The following UNC5D variants were observed in gnomAD, a reference collection of about 807,000 sequenced individuals.
UNC5D encodes netrin receptor UNC5D.
In UNC5D, 39 loss-of-function variants were observed where a neutral mutation model predicts 105.4. The ratio of observed to expected loss-of-function variants is 0.37; its 90% CI spans 0.29 to 0.48. The LOEUF (loss-of-function observed/expected upper bound fraction) is 0.48. Ranked by LOEUF, UNC5D falls within the 20% of genes least tolerant of loss-of-function variation. The pLI, the probability that UNC5D is intolerant of heterozygous loss-of-function variation, is 0.98. For missense variants in UNC5D, 991 were observed against 1,202.4 expected, an observed-to-expected ratio of 0.82 and a Z score of 2.60; for synonymous variants, 452 against 450.4, an observed-to-expected ratio of 1.00 and a Z score of -0.04.
At chr8:35,414,181 A>G (rs1051896366) in intron 1 of UNC5D, among the ~76,000 whole-genome samples, 2 of 152,168 alleles carry the variant, frequency 1.3e-5, no homozygotes, top group Admixed American at 6.5e-5. Context: ...AACAAATAAC[A>G]TCTAAAATAG....
chr8:35,338,746 C>T (rs1479187295), intron 1 of UNC5D, among the ~76,000 whole-genome samples: 1 of 152,176 alleles, frequency 6.6e-6, no homozygotes, highest in Non-Finnish European at 1.5e-5. Context: ...TTTCCTTCTT[C>T]CTCGCCTTCT....
At chr8:35,662,302 G>A (rs531827844) in intron 4 of UNC5D, among the ~76,000 whole-genome samples, 6 of 152,144 alleles carry the variant, frequency 3.9e-5, no homozygotes, top group Admixed American at 2.0e-4. Flanking sequence ...AGCCTAGACC[G>A]GTATCATAAA....
intron 1 of UNC5D, among the ~76,000 whole-genome samples, chr8:35,328,860 C>A (rs933873121): frequency 1.3e-5 from 2 of 152,084 alleles, no homozygotes; most frequent in Non-Finnish European, 2.9e-5. Context: ...TGGAAGTATT[C>A]TATTTTTGTT....
intron 4 of UNC5D, among the ~76,000 whole-genome samples, chr8:35,650,192 C>G (rs1823316685): frequency 6.6e-6 from 1 of 152,082 alleles, no homozygotes; most frequent in Non-Finnish European, 1.5e-5. Context: ...AAAATAATTC[C>G]ATAGCTCCAG....
At chr8:35,370,101 G>A (rs796840161) in intron 1 of UNC5D, among the ~76,000 whole-genome samples, 6 of 152,122 alleles carry the variant, frequency 3.9e-5, no homozygotes, top group African/African-American at 1.4e-4. Flanking sequence ...ATACTTTTGG[G>A]GTGAAGGCTT....
At chr8:35,420,112 TG>T (rs1805797125) in intron 1 of UNC5D, among the ~76,000 whole-genome samples, 1 of 152,168 alleles carries the variant, frequency 6.6e-6, no homozygotes, top group African/African-American at 2.4e-5. Flanking sequence ...GTCTTTGGTT[TG>T]AAGGTGAGAT....
At chr8:35,644,150 C>CA (rs1822913047) in intron 4 of UNC5D, among the ~76,000 whole-genome samples, 1 of 152,068 alleles carries the variant, frequency 6.6e-6, no homozygotes, top group South Asian at 2.1e-4. Flanking sequence ...TAGTAATAGT[C>CA]AAAAGTCCAG....
chr8:35,456,682 T>C (rs1032413382), intron 1 of UNC5D, among the ~76,000 whole-genome samples: 4 of 152,150 alleles, frequency 2.6e-5, no homozygotes, highest in Non-Finnish European at 5.9e-5. Context: ...TAATGGACAA[T>C]TGGAGAAGTT....
At chr8:35,723,639 C>T (rs992668084) in intron 9 of UNC5D, among the ~76,000 whole-genome samples, 3 of 151,760 alleles carry the variant, frequency 2.0e-5, no homozygotes, top group African/African-American at 4.8e-5. Context: ...CTCCTGGCCT[C>T]AATGATCCTC....
In UNC5D at chr8:35,652,608, G is replaced by GT. The variant is rs201297241; in HGVS notation, c.571-30928dup. ...TTTCCCCAGAGAGAAATTATTATGA[G>GT]TTTTTTTTTTTCATTTTGTTAGTTT... On this transcript the variant is annotated intron_variant, in intron 4 of 16. Transcript: ENST00000404895. Among the ~76,000 whole-genome samples the GT allele has an allele frequency of 9.0e-3, 1,308 of 145,692 alleles. 21 individuals carry two copies. The highest frequency in any genetic ancestry group is 0.028 in the African/African-American group (1,122 of 39,946).
At chr8:35,678,032 T>C (rs1320093591) in intron 4 of UNC5D, among the ~76,000 whole-genome samples, 1 of 151,978 alleles carries the variant, frequency 6.6e-6, no homozygotes, top group African/African-American at 2.4e-5. Flanking sequence ...ATTTACCTTA[T>C]CAATAGTTTT....
intron 4 of UNC5D, among the ~76,000 whole-genome samples, chr8:35,659,338 T>C (rs1417829288): frequency 1.3e-5 from 2 of 152,230 alleles, no homozygotes; most frequent in African/African-American, 4.8e-5. Context: ...TGACCTCCTC[T>C]TCTCTTAGGT....
chr8:35,387,634 G>T (rs1458225952), intron 1 of UNC5D, among the ~76,000 whole-genome samples: 1 of 152,104 alleles, frequency 6.6e-6, no homozygotes, highest in Non-Finnish European at 1.5e-5. Flanking sequence ...CGTATTTGAC[G>T]CTCAGCTAGG....
At chr8:35,336,151 T>C (rs914613462) in intron 1 of UNC5D, among the ~76,000 whole-genome samples, 2 of 152,302 alleles carry the variant, frequency 1.3e-5, no homozygotes, top group African/African-American at 4.8e-5. Context: ...AATATCTATG[T>C]ATATACGGAG....
At chr8:35,253,643 C>T (rs528088378) in intron 1 of UNC5D, among the ~76,000 whole-genome samples, 12 of 151,910 alleles carry the variant, frequency 7.9e-5, no homozygotes, top group South Asian at 2.1e-4. Flanking sequence ...TGTGCCACCA[C>T]GCCCAGCTAA....
Position 35,755,478 on chromosome 8 carries a change from A to ATGTGTGTGTGTGTG in UNC5D, c.2164-3836_2164-3823dup, listed in dbSNP as rs140830705. 8.8e-4 allele frequency among the ~76,000 whole-genome samples: 132 copies of ATGTGTGTGTGTGTG among 150,498 alleles called. 1 individual carries two copies. The South Asian group carries it at 0.012, about 13-fold the overall frequency. ...CACCATAGCGACATAATTTGTGTGT[A>ATGTGTGTGTGTGTG]TGTGTGTGTGTGTGTGTGTAAGTTC... is the stretch of plus-strand genomic sequence containing the variant. On this transcript the variant is annotated intron_variant, in intron 13 of 16. Transcript: ENST00000404895.
intron 1 of UNC5D, among the ~76,000 whole-genome samples, chr8:35,287,400 A>G (rs1287657083): frequency 6.6e-6 from 1 of 152,208 alleles, no homozygotes; most frequent in Non-Finnish European, 1.5e-5. Flanking sequence ...TTATAAACAA[A>G]ATGAAAAGTT....
At chr8:35,375,716 G>T (rs532600639) in intron 1 of UNC5D, among the ~76,000 whole-genome samples, 1 of 152,190 alleles carries the variant, frequency 6.6e-6, no homozygotes, top group Admixed American at 6.5e-5. Context: ...TAATTTAGCT[G>T]CATTTCATGG....
chr8:35,602,600 G>T (rs1306701535), intron 4 of UNC5D, among the ~76,000 whole-genome samples: 1 of 152,290 alleles, frequency 6.6e-6, no homozygotes, highest in South Asian at 2.1e-4. Flanking sequence ...GGTGTTTATA[G>T]TATTCTCTGA....
Sources: gnomAD v4.1 joint callset for allele counts (sites outside exome capture counted in the v4.1 genomes callset) on GRCh38, gnomAD v4.1.1 for gene constraint, MANE v1.5 for transcripts, NCBI Gene and HGNC (gene_info 2026-07-23, HGNC 2026-07-21) for gene names.